The following SOCS5 variants were observed in gnomAD, a reference collection of about 807,000 sequenced individuals.
The protein encoded by SOCS5 is suppressor of cytokine signaling 5, also known as CIS-6.
A neutral mutation model predicts 42.8 loss-of-function variants in SOCS5; 32 were observed. That is an observed-to-expected ratio of 0.75 (90% CI 0.56 to 1.01). The LOEUF (loss-of-function observed/expected upper bound fraction) is 1.01. Among genes scored for constraint, SOCS5 ranks in the 50% least tolerant of loss-of-function variants. The pLI is 0.00. For missense variants in SOCS5, 627 were observed against 653.0 expected (o/e 0.96, Z 0.43); for synonymous variants, 283 against 229.6 (o/e 1.23, Z -2.10).
At chr2:46,718,284 A>C (rs1161657652) in intron 1 of SOCS5, among the ~76,000 whole-genome samples, 1 of 152,196 alleles carries the variant, frequency 6.6e-6, no homozygotes, top group East Asian at 1.9e-4. Context: ...AGCCCAATAC[A>C]GTTTACTCCA....
At chr2:46,744,530 T>C (rs1673456133) in intron 1 of SOCS5, among the ~76,000 whole-genome samples, 2 of 148,970 alleles carry the variant, frequency 1.3e-5, no homozygotes, top group Admixed American at 6.7e-5. Context: ...AATAAAGACT[T>C]TTTTTTTTTT....
At chr2:46,748,448 A>G (rs1034710300) in intron 1 of SOCS5, among the ~76,000 whole-genome samples, 2 of 151,988 alleles carry the variant, frequency 1.3e-5, no homozygotes, top group African/African-American at 2.4e-5. Context: ...CAGCCTCCAA[A>G]AGTGTTGGGA....
intron 1 of SOCS5, among the ~76,000 whole-genome samples, chr2:46,734,410 A>T (rs1673196741): frequency 6.6e-6 from 1 of 152,162 alleles, no homozygotes; most frequent in African/African-American, 2.4e-5. Context: ...GTGAAAGGAA[A>T]CCTGCATACA....
At chr2:46,731,523 A>G (rs190631886) in intron 1 of SOCS5, among the ~76,000 whole-genome samples, 203 of 152,364 alleles carry the variant, frequency 1.3e-3, no homozygotes, top group African/African-American at 4.5e-3. Context: ...TTTACTGTCT[A>G]TTGAAATAAA....
rs1672298416 is a variant in SOCS5, at chr2:46,699,630, G to C, written c.-13+181G>C. 6.6e-6 allele frequency among the ~76,000 whole-genome samples: 1 copy of C among 152,144 alleles called. No homozygotes were observed. The highest frequency in any genetic ancestry group is 1.5e-5 in the Non-Finnish European group (1 of 68,014). ...GCTGGGATGGGCTGGCCGGGAAAAG[G>C]ACTGCTAGCCCGGGCCGCGAGCCCC... On this transcript the variant is annotated intron_variant, in intron 1 of 1. Coordinates refer to ENST00000394861, the MANE Select transcript of SOCS5 (RefSeq NM_144949.3). The surrounding 1 kb of genome is among the most constrained non-coding windows in gnomAD (Gnocchi z 4.8).
Position 46,719,325 on chromosome 2 carries a change from C to T in SOCS5, c.-13+19876C>T, listed in dbSNP as rs115934712. ...TTAATGAAAGGAACACTTATTCTTA[C>T]ACTGTACGTGTAATATGTATCCTAA... On this transcript the variant is annotated intron_variant, in intron 1 of 1. Transcript: ENST00000394861. Among the ~76,000 whole-genome samples the T allele has an allele frequency of 7.5e-3, 1,143 of 152,318 alleles. 8 individuals are homozygous for T. The highest frequency in any genetic ancestry group is 0.013 in the Non-Finnish European group (857 of 68,018).
At chr2:46,714,320 A>G (rs1332590443) in intron 1 of SOCS5, among the ~76,000 whole-genome samples, 1 of 152,188 alleles carries the variant, frequency 6.6e-6, no homozygotes, top group African/African-American at 2.4e-5. Context: ...AGCATAGTTT[A>G]CAGCATTGTT....
rs773044458 is a variant in SOCS5 at position 46,759,973 on chromosome 2, T to G, written c.1443T>G (p.Pro481=). 1.2e-6 allele frequency: 2 copies of G among 1,614,122 alleles called. No individual in the cohort carries two copies. Among genetic ancestry groups the G allele is most frequent in the East Asian group, 4.5e-5 (2 of 44,890 alleles). The change falls in exon 2 of 2, where the codon CCT becomes CCG. Residue 481 remains proline, a synonymous_variant. Transcript: ENST00000394861. ...CTATATCACTAAATAGGACTTTCCC[T>G]TTTAGCCTGCAGTATATCTGTCGCG... ...LLTISLNRTF[P]FSLQYICRAV... is the part of the protein sequence containing the mutation.
chr2:46,743,554 G>GT (rs2103744570), intron 1 of SOCS5, among the ~76,000 whole-genome samples: 1 of 152,192 alleles, frequency 6.6e-6, no homozygotes, highest in African/African-American at 2.4e-5. Flanking sequence ...CATGCAGCCT[G>GT]TTTTCTCAGC....
At chr2:46,712,420 T>G (rs566082618) in intron 1 of SOCS5, among the ~76,000 whole-genome samples, 2 of 138,980 alleles carry the variant, frequency 1.4e-5, no homozygotes, top group East Asian at 2.3e-4. Context: ...CTTGGCTCAC[T>G]GCAACCCCCG....
chr2:46,722,603 C>A (rs780453905), intron 1 of SOCS5, among the ~76,000 whole-genome samples: 1 of 152,062 alleles, frequency 6.6e-6, no homozygotes, highest in Non-Finnish European at 1.5e-5. Flanking sequence ...TGGGTTATTT[C>A]CAGTTTGGAG....
chr2:46,748,323 C>A (rs1199207066), intron 1 of SOCS5, among the ~76,000 whole-genome samples: 1 of 151,776 alleles, frequency 6.6e-6, no homozygotes, highest in South Asian at 2.1e-4. Context: ...GTCGCTGGGA[C>A]CACAGATGCA....
At position 46,746,050 on chromosome 2, in the gene SOCS5, G is replaced by GT. The variant is rs377005994; in HGVS notation, c.-12-12457dup. The stretch of plus-strand genomic sequence containing the variant: ...GGTAGCCAGACACGGAGCCCTTTGA[G>GT]TTTTTTTTTTTTCTCTGATGCTTGA... On this transcript the variant is annotated intron_variant, in intron 1 of 1. Coordinates refer to ENST00000394861, the MANE Select transcript of SOCS5 (RefSeq NM_144949.3). 1.3e-3 allele frequency among the ~76,000 whole-genome samples: 185 copies of GT among 146,464 alleles called. 1 individual carries two copies. Among genetic ancestry groups the GT allele is most frequent in the South Asian group, 5.4e-3 (25 of 4,606 alleles).
At chr2:46,726,498 A>C (rs1413866501) in intron 1 of SOCS5, among the ~76,000 whole-genome samples, 1 of 152,046 alleles carries the variant, frequency 6.6e-6, no homozygotes, top group Non-Finnish European at 1.5e-5. Context: ...TATTTCCTCA[A>C]ATATTTTTCT....
At chr2:46,712,564 G>A (rs560060487) in intron 1 of SOCS5, among the ~76,000 whole-genome samples, 9 of 152,100 alleles carry the variant, frequency 5.9e-5, no homozygotes, top group Admixed American at 3.9e-4. Context: ...GGCTGGTCTC[G>A]AATTCCTGAC....
intron 1 of SOCS5, among the ~76,000 whole-genome samples, chr2:46,743,547 G>C (rs1041839433): frequency 1.3e-5 from 2 of 152,082 alleles, no homozygotes; most frequent in Non-Finnish European, 2.9e-5. Context: ...CTTCTGTCAT[G>C]CAGCCTGTTT....
intron 1 of SOCS5, among the ~76,000 whole-genome samples, chr2:46,710,613 T>C (rs1672597134): frequency 6.6e-6 from 1 of 152,170 alleles, no homozygotes; most frequent in South Asian, 2.1e-4. Flanking sequence ...AGAGAACTTC[T>C]TCAGTCTGAT....
At chr2:46,703,542 G>T (rs1490400217) in intron 1 of SOCS5, among the ~76,000 whole-genome samples, 19 of 152,168 alleles carry the variant, frequency 1.2e-4, no homozygotes, top group Admixed American at 1.1e-3. Context: ...ATCTAATCAT[G>T]TGAATAAATT....
intron 1 of SOCS5, among the ~76,000 whole-genome samples, chr2:46,746,623 C>T (rs1278623250): frequency 1.3e-5 from 2 of 151,586 alleles, no homozygotes; most frequent in African/African-American, 4.9e-5. Flanking sequence ...TGCACTCCAG[C>T]CTGGGCGACA....
Sources: allele counts gnomAD v4.1 joint callset (sites outside exome capture counted in the v4.1 genomes callset), GRCh38; gene constraint gnomAD v4.1.1; non-coding constraint Gnocchi (gnomAD v3.1); transcripts MANE v1.5; gene names NCBI Gene and HGNC (gene_info 2026-07-23, HGNC 2026-07-21).